Variants in EBF1 observed in about 807,000 individuals in gnomAD.
EBF1 encodes the protein EBF transcription factor 1.
A neutral mutation model predicts 68.4 loss-of-function variants in EBF1; 10 were observed. The ratio of observed to expected loss-of-function variants is 0.15; its 90% CI spans 0.09 to 0.25. EBF1 has a LOEUF of 0.25. Ranked by LOEUF, EBF1 falls within the 10% of genes least tolerant of loss-of-function variation. The pLI, the probability that EBF1 is intolerant of heterozygous loss-of-function variation, is 1.00. For missense variants in EBF1, 509 were observed against 794.4 expected, an observed-to-expected ratio of 0.64 and a Z score of 4.32; for synonymous variants, 298 against 299.8, an observed-to-expected ratio of 0.99 and a Z score of 0.06.
intron 8 of EBF1, among the ~76,000 whole-genome samples, chr5:158,814,951 T>G (rs934069475): frequency 2.0e-5 from 3 of 152,172 alleles, no homozygotes; most frequent in African/African-American, 7.2e-5. Context: ...TGTGCCCCAT[T>G]TTTTAAAAAG....
At chr5:159,012,899 A>G (rs55700843) in intron 6 of EBF1, among the ~76,000 whole-genome samples, 45,806 of 151,852 alleles carry the variant, frequency 0.3, 7,038 homozygotes, top group South Asian at 0.51. Context: ...GAAGACATTA[A>G]AACACAGACA....
chr5:159,008,422 A>G (rs1281921011), intron 6 of EBF1, among the ~76,000 whole-genome samples: 2 of 150,548 alleles, frequency 1.3e-5, no homozygotes, highest in Non-Finnish European at 3.0e-5. Context: ...GAAAGAAAAT[A>G]AAAGAAAAAG....
chr5:158,977,977 C>A (rs547628430), intron 6 of EBF1, among the ~76,000 whole-genome samples: 1 of 152,310 alleles, frequency 6.6e-6, no homozygotes, highest in African/African-American at 2.4e-5. Flanking sequence ...GATGGCCAGA[C>A]AAAGGGAAGA....
chr5:158,838,223 A>G (rs1260720220), intron 7 of EBF1, among the ~76,000 whole-genome samples: 53 of 152,072 alleles, frequency 3.5e-4, no homozygotes, highest in Non-Finnish European at 1.0e-4. Flanking sequence ...AGACAAGCAG[A>G]TCACAAGGTC....
At chr5:159,029,725 C>T (rs1327747662) in intron 6 of EBF1, among the ~76,000 whole-genome samples, 3 of 152,094 alleles carry the variant, frequency 2.0e-5, no homozygotes, top group Admixed American at 2.0e-4. Flanking sequence ...AAGCCCAAGG[C>T]GGGTGGATCA....
At chr5:159,011,113 T>C (rs1000898008) in intron 6 of EBF1, among the ~76,000 whole-genome samples, 2 of 152,224 alleles carry the variant, frequency 1.3e-5, no homozygotes, top group Non-Finnish European at 2.9e-5. Context: ...GGAGGAGTTT[T>C]CCCAGCCGCC....
At chr5:158,793,102 T>C (rs1778971421) in intron 9 of EBF1, among the ~76,000 whole-genome samples, 1 of 152,192 alleles carries the variant, frequency 6.6e-6, no homozygotes, top group Non-Finnish European at 1.5e-5. Context: ...CTGAACCACT[T>C]ACTTATTTAA....
In EBF1 at chr5:158,713,099, C is replaced by T; in HGVS notation, c.1240G>A (p.Val414Ile). ...AADIAEALYS[V>I]PRNHNQLPAL... is the part of the protein sequence containing the mutation. Reference sequence around the variant, plus strand: ...GGGAGTTGGTTGTGGTTGCGGGGAACACTGTACAGGGCCTCGGCAATGTCG... The same window carrying T: ...GGGAGTTGGTTGTGGTTGCGGGGAATACTGTACAGGGCCTCGGCAATGTCG... The change falls in exon 13 of 16, where the codon GTT (valine) becomes ATT (isoleucine). Residue 414 changes from valine to isoleucine, a missense_variant. Coordinates refer to ENST00000313708, the MANE Select transcript of EBF1 (RefSeq NM_024007.5). 1 of 1,596,228 alleles carries T rather than the reference C, an allele frequency of 6.3e-7. No individual in the cohort carries two copies. Among genetic ancestry groups the T allele is most frequent in the Non-Finnish European group, 8.5e-7 (1 of 1,170,054 alleles).
chr5:158,696,422 T>TGGCTGACAGATGGGTA lies in EBF1; in HGVS notation c.*2673_*2688dup, dbSNP rs1428281298. ...CAAGAAGAGTTCTAACCACTGCACA[T>TGGCTGACAGATGGGTA]GGCTGACAGATGGGTAGTGTCTGTT... On this transcript the variant is annotated 3_prime_UTR_variant, in exon 16 of 16. Transcript: ENST00000313708. 1 of 221,292 alleles carries TGGCTGACAGATGGGTA rather than the reference T, an allele frequency of 4.5e-6. No homozygotes were observed. The highest frequency in any genetic ancestry group is 9.0e-6 in the Non-Finnish European group (1 of 110,590). 13.7% of individuals were successfully genotyped at this position (221,292 alleles called of 1,614,324 possible).
intron 6 of EBF1, among the ~76,000 whole-genome samples, chr5:159,010,584 G>A (rs1282503337): frequency 4.6e-5 from 7 of 152,040 alleles, no homozygotes; most frequent in Admixed American, 4.6e-4. Flanking sequence ...ACTGATCTTT[G>A]AAAAAGCTCT....
chr5:159,094,880 C>G (rs2128004218), intron 4 of EBF1, among the ~76,000 whole-genome samples: 1 of 152,288 alleles, frequency 6.6e-6, no homozygotes, highest in East Asian at 1.9e-4. Flanking sequence ...ATTAAAACGT[C>G]AGGCCTCTTT....
At chr5:158,955,331 A>AAG (rs566693160) in intron 6 of EBF1, among the ~76,000 whole-genome samples, 1 of 151,924 alleles carries the variant, frequency 6.6e-6, no homozygotes, top group Non-Finnish European at 1.5e-5. Flanking sequence ...CTAAAAAAAA[A>AAG]AGAGAGAGAG....
At chr5:158,738,218 G>A (rs544537292) in intron 10 of EBF1, among the ~76,000 whole-genome samples, 40 of 152,202 alleles carry the variant, frequency 2.6e-4, no homozygotes, top group Non-Finnish European at 4.4e-4. Flanking sequence ...TATACAGATA[G>A]ACATAATTTA....
intron 4 of EBF1, among the ~76,000 whole-genome samples, chr5:159,087,816 A>G (rs1404176778): frequency 6.6e-6 from 1 of 152,188 alleles, no homozygotes; most frequent in Non-Finnish European, 1.5e-5. Context: ...GAGTCAAAAC[A>G]GAATCTTTCT....
intron 9 of EBF1, among the ~76,000 whole-genome samples, chr5:158,788,826 T>C (rs1316985075): frequency 6.6e-6 from 1 of 152,212 alleles, no homozygotes; most frequent in Admixed American, 6.5e-5. Flanking sequence ...GAAAATGTCA[T>C]CTTAAAGTCT....
At chr5:158,808,298 G>A (rs898398373) in intron 8 of EBF1, among the ~76,000 whole-genome samples, 12 of 152,176 alleles carry the variant, frequency 7.9e-5, no homozygotes, top group Middle Eastern at 3.4e-3. Flanking sequence ...GCAAATACTC[G>A]CACTTGCCTG....
At chr5:159,090,080 G>A (rs928131878) in intron 4 of EBF1, among the ~76,000 whole-genome samples, 2 of 152,022 alleles carry the variant, frequency 1.3e-5, no homozygotes, top group Non-Finnish European at 2.9e-5. Flanking sequence ...AGTACCTGCT[G>A]TAACCAAAAG....
chr5:158,848,980 A>G (rs1169492187), intron 6 of EBF1, among the ~76,000 whole-genome samples: 1 of 152,176 alleles, frequency 6.6e-6, no homozygotes, highest in Non-Finnish European at 1.5e-5. Flanking sequence ...CACTTACTCA[A>G]CCAACAGACC....
At chr5:159,084,820 C>T in intron 4 of EBF1, 81 bp from the exon 5 acceptor site, 1 of 1,270,106 alleles carries the variant, frequency 7.9e-7, no homozygotes, top group Non-Finnish European at 1.1e-6. Flanking sequence ...AGTTCTTAAC[C>T]ACTTCACCAC....
Sources: allele counts gnomAD v4.1 joint callset (sites outside exome capture counted in the v4.1 genomes callset), GRCh38; gene constraint gnomAD v4.1.1; transcripts MANE v1.5; gene names NCBI Gene and HGNC (gene_info 2026-07-23, HGNC 2026-07-21).